The following TXK variants were observed in gnomAD, a reference collection of about 807,000 sequenced individuals.
TXK encodes the protein tyrosine-protein kinase TXK.
A neutral mutation model predicts 81.0 loss-of-function variants in TXK; 60 were observed. The observed-to-expected ratio is 0.74, with a 90% CI of 0.60 to 0.92. TXK has a LOEUF of 0.92. TXK is among the 40% of genes least tolerant of loss of function. The probability of loss-of-function intolerance (pLI) is 0.00; values close to 1 mark genes in which losing one functional copy is unlikely to be tolerated. For missense variants in TXK, 581 were observed against 638.3 expected (o/e 0.91, Z 0.97); for synonymous variants, 203 against 210.7 (o/e 0.96, Z 0.32).
Position 48,094,074 on chromosome 4 carries a change from T to C in TXK, c.709+3A>G. 1.9e-6 allele frequency: 3 copies of C among 1,613,250 alleles called. No homozygotes were observed. The African/African-American group carries it at 4.0e-5, about 22-fold the overall frequency. On this transcript the variant is annotated splice_donor_region_variant and intron_variant, in intron 8 of 14. Coordinates refer to ENST00000264316, the MANE Select transcript of TXK (RefSeq NM_003328.3). ...CTCACCCAGCTGGAAGTTCCCCTCT[T>C]ACCGGCTGCATTGTGCTGGTGATAC...
chr4:48,114,208 T>C (rs1560359777), intron 2 of TXK, 140 bp downstream of exon 2: 3 of 758,464 alleles, frequency 4.0e-6, no homozygotes, highest in South Asian at 1.8e-5. Flanking sequence ...TGTAAACAAA[T>C]AGGCATTCCA....
chr4:48,071,943 A>G (rs1415045085), intron 13 of TXK, among the ~76,000 whole-genome samples: 2 of 143,554 alleles, frequency 1.4e-5, no homozygotes, highest in Non-Finnish European at 3.0e-5. Flanking sequence ...AAATGCCAGT[A>G]GCATTTTCTT....
At chr4:48,070,251 C>A (rs1241651395) in intron 14 of TXK, among the ~76,000 whole-genome samples, 1 of 152,058 alleles carries the variant, frequency 6.6e-6, no homozygotes, top group Non-Finnish European at 1.5e-5. Flanking sequence ...AGTCAGTGCC[C>A]AGAGGTGGAA....
At chr4:48,124,420 CTTTT>C (rs150052658) in intron 1 of TXK, among the ~76,000 whole-genome samples, 6 of 149,332 alleles carry the variant, frequency 4.0e-5, no homozygotes, top group African/African-American at 1.5e-4. Flanking sequence ...GCATCTTATC[CTTTT>C]TTTTTTATTT....
chr4:48,114,518 C>A, intron 1 of TXK, 116 bp from the exon 2 acceptor site: 1 of 1,040,024 alleles, frequency 9.6e-7, no homozygotes, highest in Non-Finnish European at 1.5e-6. Context: ...CTCGATCGTG[C>A]CTTCCTTCAC....
chr4:48,126,739 A>C (rs1441385790), intron 1 of TXK, among the ~76,000 whole-genome samples: 1 of 152,166 alleles, frequency 6.6e-6, no homozygotes, highest in African/African-American at 2.4e-5. Flanking sequence ...CCCAACCTCA[A>C]GTGATCCCCC....
chr4:48,109,262 A>C (rs1291899010), intron 5 of TXK: 1 of 151,920 alleles, frequency 6.6e-6, no homozygotes, highest in Non-Finnish European at 1.5e-5. Flanking sequence ...CCTGAGCTCA[A>C]GCAATTCTCC....
intron 6 of TXK, among the ~76,000 whole-genome samples, chr4:48,104,300 TA>T (rs369377558): frequency 1.5e-4 from 1 of 6,454 alleles, no homozygotes; most frequent in Non-Finnish European, 2.1e-4. Flanking sequence ...ATATATAATA[TA>T]ATATATAATA....
intron 3 of TXK, 92 bp downstream of exon 3, chr4:48,113,115 T>C (rs1718689109): frequency 2.5e-6 from 2 of 813,052 alleles, no homozygotes; most frequent in South Asian, 1.8e-5. Flanking sequence ...AGCAGGATAC[T>C]AGATTCTGGG....
rs771320540 is a variant in TXK, at chr4:48,112,299, T to C, written c.380+8A>G. The C allele has an allele frequency of 6.2e-7, 1 of 1,613,480 alleles. No individual in the cohort carries two copies. Among genetic ancestry groups the C allele is most frequent in the Non-Finnish European group, 8.5e-7 (1 of 1,179,384 alleles). ...TTGGATACTGACTAAGTCATGTAAG[T>C]GTCTTACCCCAAACGGTCTCTTGCC... is the stretch of plus-strand genomic sequence containing the variant. On this transcript the variant is annotated splice_region_variant and intron_variant, in intron 4 of 14. Transcript: ENST00000264316.
intron 6 of TXK, 47 bp from the exon 7 acceptor site, chr4:48,095,269 G>A: frequency 1.4e-6 from 2 of 1,454,422 alleles, no homozygotes; most frequent in Non-Finnish European, 1.9e-6. Context: ...TTCTTAGAAA[G>A]ACAAACCTAC....
At chr4:48,132,559 CTTA>C (rs1719271792) in intron 1 of TXK, among the ~76,000 whole-genome samples, 1 of 152,032 alleles carries the variant, frequency 6.6e-6, no homozygotes, top group Admixed American at 6.6e-5. Context: ...CCTTTGAGAG[CTTA>C]TTTATACATA....
intron 1 of TXK, among the ~76,000 whole-genome samples, chr4:48,127,244 G>A (rs1719113100): frequency 6.6e-6 from 1 of 152,184 alleles, no homozygotes; most frequent in African/African-American, 2.4e-5. Flanking sequence ...TCCCTTGCTT[G>A]GCATGACTTT....
At chr4:48,078,080 A>G (rs1258870734) in intron 11 of TXK, among the ~76,000 whole-genome samples, 1 of 152,190 alleles carries the variant, frequency 6.6e-6, no homozygotes, top group East Asian at 1.9e-4. Flanking sequence ...TTTTTCTAAA[A>G]GCTTCCAAGT....
In TXK at chr4:48,095,219, T is replaced by C; in HGVS notation, c.505A>G (p.Lys169Glu). 1 of 1,611,160 alleles carries C rather than the reference T, an allele frequency of 6.2e-7. No individual in the cohort carries two copies. The highest frequency in any genetic ancestry group is 8.5e-7 in the Non-Finnish European group (1 of 1,178,394). ...QAEHLLRQES[K>E]EGAFIVRDSR... ...TCTCTGACAATAAATGCACCTTCTT[T>C]AGACTGCAAAAAAAATCATTTATTG... is the stretch of plus-strand genomic sequence containing the variant. The change falls in exon 7 of 15, where the codon AAA (lysine) becomes GAA (glutamate). Residue 169 changes from lysine to glutamate, a missense_variant. Physicochemically the swap from Lys to Glu is moderately conservative, Grantham distance 56. Coordinates refer to ENST00000264316, the MANE Select transcript of TXK (RefSeq NM_003328.3).
chr4:48,091,687 T>C (rs1717782599), intron 8 of TXK, among the ~76,000 whole-genome samples: 1 of 152,078 alleles, frequency 6.6e-6, no homozygotes, highest in Admixed American at 6.6e-5. Context: ...GTATTTTTAG[T>C]AGAGATGGGG....
At chr4:48,105,057 CT>C in intron 5 of TXK, 102 bp from the exon 6 acceptor site, 2 of 725,414 alleles carry the variant, frequency 2.8e-6, no homozygotes, top group African/African-American at 1.8e-5. Flanking sequence ...CAGAACTGAG[CT>C]TAGAAAGTTG....
At chr4:48,125,661 T>C (rs1056068441) in intron 1 of TXK, among the ~76,000 whole-genome samples, 1 of 152,220 alleles carries the variant, frequency 6.6e-6, no homozygotes, top group Non-Finnish European at 1.5e-5. Context: ...TTCAGCAATG[T>C]CATGCTTACT....
intron 5 of TXK, among the ~76,000 whole-genome samples, chr4:48,106,450 C>A (rs1200109842): frequency 6.6e-6 from 1 of 151,394 alleles, no homozygotes; most frequent in Admixed American, 6.6e-5. Flanking sequence ...ACCTAGACAA[C>A]ATTGATTACA....
Sources: gnomAD v4.1 joint callset for allele counts (sites outside exome capture counted in the v4.1 genomes callset) on GRCh38, gnomAD v4.1.1 for gene constraint, MANE v1.5 for transcripts, NCBI Gene and HGNC (gene_info 2026-07-23, HGNC 2026-07-21) for gene names.